The following GASK1A variants were observed in gnomAD, a reference collection of about 807,000 sequenced individuals.
GASK1A encodes golgi associated kinase 1A.
Under a neutral mutation model 41.2 loss-of-function variants are expected in GASK1A, and 40 were observed. That is an observed-to-expected ratio of 0.97 (90% confidence interval 0.75 to 1.27). The LOEUF is 1.27. Ranked by LOEUF, GASK1A falls within the 50% of genes most tolerant of loss-of-function variation. The probability of loss-of-function intolerance (pLI) is 0.00; values close to 1 mark genes in which losing one functional copy is unlikely to be tolerated. For missense variants in GASK1A, 678 were observed against 745.1 expected (o/e 0.91, Z 1.05); for synonymous variants, 316 against 307.1 (o/e 1.03, Z -0.30).
intron 2 of GASK1A, among the ~76,000 whole-genome samples, chr3:43,048,643 G>A (rs1286820318): frequency 6.6e-6 from 1 of 152,160 alleles, no homozygotes; most frequent in African/African-American, 2.4e-5. Context: ...GAGGTGAGGG[G>A]CTATGATACT....
At chr3:43,010,664 C>T (rs2089458937) in intron 1 of GASK1A, among the ~76,000 whole-genome samples, 1 of 152,112 alleles carries the variant, frequency 6.6e-6, no homozygotes, top group African/African-American at 2.4e-5. Context: ...GTCTTGTCTC[C>T]CTGTGTACCA....
chr3:43,055,793 C>G, intron 4 of GASK1A: 1 of 500,712 alleles, frequency 2.0e-6, no homozygotes. Flanking sequence ...GAAGGCTAGT[C>G]CTTCCCTTGT....
chr3:43,049,871 C>T (rs1218194020), intron 2 of GASK1A, among the ~76,000 whole-genome samples: 1 of 152,004 alleles, frequency 6.6e-6, no homozygotes, highest in African/African-American at 2.4e-5. Context: ...GGTCAGATTA[C>T]CAGCAATTTA....
intron 1 of GASK1A, among the ~76,000 whole-genome samples, chr3:42,991,565 G>A (rs2089341055): frequency 6.6e-6 from 1 of 152,228 alleles, no homozygotes; most frequent in African/African-American, 2.4e-5. Flanking sequence ...GGGCTCTGAA[G>A]CAGAGGTGTT....
intron 1 of GASK1A, among the ~76,000 whole-genome samples, chr3:42,994,866 T>C (rs1398022887): frequency 6.6e-6 from 1 of 152,200 alleles, no homozygotes; most frequent in Non-Finnish European, 1.5e-5. Flanking sequence ...CTACATCTTA[T>C]ATTCAAATAT....
chr3:43,021,426 G>C (rs932325767), intron 1 of GASK1A, among the ~76,000 whole-genome samples: 22 of 152,242 alleles, frequency 1.4e-4, no homozygotes, highest in South Asian at 4.2e-4. Flanking sequence ...TACAATGAAA[G>C]AGCTTCTCTT....
intron 1 of GASK1A, among the ~76,000 whole-genome samples, chr3:42,983,670 A>G (rs2089292930): frequency 6.6e-6 from 1 of 152,190 alleles, no homozygotes; most frequent in African/African-American, 2.4e-5. Context: ...TAGCTAAAGA[A>G]GAGGTTAAAC....
At chr3:43,012,321 C>T (rs2089467841) in intron 1 of GASK1A, among the ~76,000 whole-genome samples, 1 of 144,188 alleles carries the variant, frequency 6.9e-6, no homozygotes, top group East Asian at 2.1e-4. Flanking sequence ...TGTGAAGCCA[C>T]TGGAAGGGGC....
Position 43,033,232 on chromosome 3 carries a change from T to A in GASK1A, c.969T>A (p.Pro323=), listed in dbSNP as rs1277604957. 1 of 1,551,726 alleles carries A rather than the reference T, an allele frequency of 6.4e-7. No individual in the cohort carries two copies. The highest frequency in any genetic ancestry group is 2.0e-5 in the Admixed American group (1 of 51,012). Residue 323 remains proline, a synonymous_variant, in exon 2 of 5, where the codon CCT becomes CCA. Transcript: ENST00000430121. The stretch of plus-strand genomic sequence containing the variant: ...GGCTCTGTGGCCTGATCAAGAGGCC[T>A]GGGGACCTGCCTGAGGTCCTGTCCT... The part of the protein sequence containing the change: ...SQGLCGLIKR[P]GDLPEVLSFH...
At chr3:43,031,794 G>T (rs2089577332) in intron 1 of GASK1A, among the ~76,000 whole-genome samples, 2 of 152,202 alleles carry the variant, frequency 1.3e-5, no homozygotes, top group African/African-American at 4.8e-5. Flanking sequence ...TAAGGAGGCT[G>T]GCAAAGTCAT....
chr3:42,994,353 C>T (rs753144743), intron 1 of GASK1A, among the ~76,000 whole-genome samples: 1 of 151,938 alleles, frequency 6.6e-6, no homozygotes, highest in African/African-American at 2.4e-5. Context: ...AGGCAGGAGC[C>T]GGGCCTAGGG....
In GASK1A at chr3:42,979,446, C is replaced by T. The variant is rs1422148435; in HGVS notation, c.-197C>T. On this transcript the variant is annotated 5_prime_UTR_variant, in exon 1 of 5. Coordinates refer to ENST00000430121, the MANE Select transcript of GASK1A (RefSeq NM_001129908.3). ...GCGGAGTATCCCGGTGTGCAGCGAT[C>T]TCCCGAGAGTTGGCGCAGGGCCACT... is the stretch of plus-strand genomic sequence containing the variant. The T allele has an allele frequency of 2.2e-6, 1 of 451,610 alleles. No homozygotes were observed. Among genetic ancestry groups the T allele is most frequent in the Non-Finnish European group, 3.6e-6 (1 of 275,708 alleles). The allele number at this position is 451,610 out of a possible 1,614,324, so 28.0% of individuals were successfully genotyped here.
At chr3:42,986,277 T>C (rs1281802632) in intron 1 of GASK1A, among the ~76,000 whole-genome samples, 3 of 152,094 alleles carry the variant, frequency 2.0e-5, no homozygotes, top group African/African-American at 7.2e-5. Context: ...AAGGCAAAAC[T>C]ATAGGGATGG....
At chr3:43,046,655 A>C (rs1402388498) in intron 2 of GASK1A, among the ~76,000 whole-genome samples, 1 of 152,220 alleles carries the variant, frequency 6.6e-6, no homozygotes, top group East Asian at 1.9e-4. Flanking sequence ...TGAGGAGCCA[A>C]ATGTCAATGC....
chr3:43,037,262 C>T lies in GASK1A; in HGVS notation c.1290+3709C>T, dbSNP rs77455391. 3,438 of 964,682 alleles carry T rather than the reference C, an allele frequency of 3.6e-3. 78 individuals are homozygous for T. In the African/African-American group the frequency reaches 0.048, roughly 14 times the overall value. The allele number at this position is 964,682 out of a possible 1,614,324, so 59.8% of individuals were successfully genotyped here. On this transcript the variant is annotated intron_variant, in intron 2 of 4. Transcript: ENST00000430121. ...CCCTGGCTGAAAATGGAGCGATGGC[C>T]GAGGAGAAGCCAACTCCCCAGATGA...
At chr3:42,986,892 T>C (rs558981689) in intron 1 of GASK1A, among the ~76,000 whole-genome samples, 3 of 152,294 alleles carry the variant, frequency 2.0e-5, no homozygotes, top group South Asian at 2.1e-4. Context: ...TAATCTCAGA[T>C]GTGGAGGCTG....
chr3:43,005,757 G>C (rs114284359), intron 1 of GASK1A, among the ~76,000 whole-genome samples: 1,604 of 152,336 alleles, frequency 0.011, 15 homozygotes, highest in Admixed American at 0.015. Flanking sequence ...CTGTGAAATT[G>C]TCTTCTGAAG....
Position 42,984,314 on chromosome 3 carries a change from T to TCTTTCTC in GASK1A, c.3+4669_3+4670insCTTTCTC. On this transcript the variant is annotated intron_variant, in intron 1 of 4. Transcript: ENST00000430121. This position sits in a 1 kb window ranked among gnomAD's most constrained non-coding sequence, Gnocchi z 4.2. The stretch of plus-strand genomic sequence containing the variant: ...ACTTCCTATCTCTCTCTCTCTCTCT[T>TCTTTCTC]TCTCTCTCTCTCACACACACACACG... 1.2e-5 allele frequency among the ~76,000 whole-genome samples: 1 copy of TCTTTCTC among 85,100 alleles called. No individual in the cohort carries two copies. Among genetic ancestry groups the TCTTTCTC allele is most frequent in the East Asian group, 5.1e-4 (1 of 1,978 alleles). The allele number at this position is 85,100 out of a possible 152,430, so 55.8% of individuals were successfully genotyped here. A position where few individuals can be genotyped will look rare whatever the true frequency, so the allele number is the denominator to read the frequency against.
At chr3:43,047,701 T>G (rs899994379) in intron 2 of GASK1A, among the ~76,000 whole-genome samples, 1 of 152,282 alleles carries the variant, frequency 6.6e-6, no homozygotes, top group African/African-American at 2.4e-5. Flanking sequence ...AGGAAACATA[T>G]TCCCACAGCA....
Sources: gnomAD v4.1 joint callset for allele counts (sites outside exome capture counted in the v4.1 genomes callset) on GRCh38, gnomAD v4.1.1 for gene constraint, Gnocchi (gnomAD v3.1) non-coding constraint, MANE v1.5 for transcripts, NCBI Gene and HGNC (gene_info 2026-07-23, HGNC 2026-07-21) for gene names.